Variants in KLHL32 observed in about 807,000 individuals in gnomAD.
The protein encoded by KLHL32 is kelch like family member 32.
Under a neutral mutation model 64.8 loss-of-function variants are expected in KLHL32, and 35 were observed. The ratio of observed to expected loss-of-function variants is 0.54; its 90% CI spans 0.41 to 0.72. The LOEUF (loss-of-function observed/expected upper bound fraction) is 0.72. Ranked by LOEUF, KLHL32 falls within the 30% of genes least tolerant of loss-of-function variation. The probability of loss-of-function intolerance (pLI) is 0.00; values close to 1 mark genes in which losing one functional copy is unlikely to be tolerated. For missense variants in KLHL32, 589 were observed against 768.5 expected (o/e 0.77, Z 2.76); for synonymous variants, 259 against 281.0 (o/e 0.92, Z 0.78).
At chr6:96,961,337 G>T (rs1045318260) in intron 1 of KLHL32, among the ~76,000 whole-genome samples, 1 of 152,170 alleles carries the variant, frequency 6.6e-6, no homozygotes, top group South Asian at 2.1e-4. Context: ...TCTCTTATAT[G>T]TTGGTAGGAT....
Position 97,140,537 on chromosome 6 carries a change from T to C in KLHL32, c.*1255T>C, listed in dbSNP as rs1199161010. On this transcript the variant is annotated 3_prime_UTR_variant, in exon 11 of 11. Coordinates refer to ENST00000369261, the MANE Select transcript of KLHL32 (RefSeq NM_052904.4). The stretch of plus-strand genomic sequence containing the variant: ...AAAAATAAATACAACAACTTAATAA[T>C]CACATTTGAAAACAAATTTAACAAG... 6.6e-6 allele frequency: 1 copy of C among 152,072 alleles called. No individual in the cohort carries two copies. Among genetic ancestry groups the C allele is most frequent in the Non-Finnish European group, 1.5e-5 (1 of 67,914 alleles). The allele number at this position is 152,072 out of a possible 1,614,324, so 9.4% of individuals were successfully genotyped here.
chr6:96,980,597 A>G (rs571490150), intron 3 of KLHL32, among the ~76,000 whole-genome samples: 1 of 152,132 alleles, frequency 6.6e-6, no homozygotes, highest in East Asian at 1.9e-4. Flanking sequence ...ATTTATGTTC[A>G]TCAAGGATAC....
chr6:96,995,944 A>T lies in KLHL32; in HGVS notation c.204+19767A>T, dbSNP rs536492552. On this transcript the variant is annotated intron_variant, in intron 3 of 10. Transcript: ENST00000369261. ...GACCAACTAAACACTAGTGAAGTCC[A>T]CCAAACTACTGTTGAACACTATTAA... is the stretch of plus-strand genomic sequence containing the variant. 3.3e-5 allele frequency among the ~76,000 whole-genome samples: 5 copies of T among 152,358 alleles called. No homozygotes were observed. The East Asian group carries it at 7.7e-4, about 23-fold the overall frequency.
At chr6:97,113,400 A>C (rs971515211) in intron 6 of KLHL32, among the ~76,000 whole-genome samples, 6 of 151,910 alleles carry the variant, frequency 3.9e-5, no homozygotes, top group South Asian at 2.1e-4. Context: ...CTTTGATGAC[A>C]CCTCCCACCA....
intron 6 of KLHL32, among the ~76,000 whole-genome samples, chr6:97,087,857 C>T (rs1193639047): frequency 6.6e-6 from 1 of 152,202 alleles, no homozygotes; most frequent in African/African-American, 2.4e-5. Flanking sequence ...ACCGAACCAA[C>T]TCTTTTTCAC....
chr6:96,928,751 G>T (rs1769483396), intron 1 of KLHL32, among the ~76,000 whole-genome samples: 1 of 152,186 alleles, frequency 6.6e-6, no homozygotes, highest in South Asian at 2.1e-4. Context: ...TAAATATATG[G>T]ATTTTCAAAA....
chr6:96,940,339 A>C (rs1215513171), intron 1 of KLHL32, among the ~76,000 whole-genome samples: 1 of 152,186 alleles, frequency 6.6e-6, no homozygotes, highest in African/African-American at 2.4e-5. Flanking sequence ...TTAGGTAGAG[A>C]GGGATAAGCA....
At chr6:97,132,785 G>A (rs745608501) in intron 10 of KLHL32, 38 bp downstream of exon 10, 2 of 1,394,330 alleles carry the variant, frequency 1.4e-6, no homozygotes, top group Non-Finnish European at 2.0e-6. Flanking sequence ...TTGTTCAAGT[G>A]GTTCAGCGAG....
At chr6:97,109,525 C>T (rs547801295) in intron 6 of KLHL32, among the ~76,000 whole-genome samples, 1 of 152,256 alleles carries the variant, frequency 6.6e-6, no homozygotes, top group South Asian at 2.1e-4. Flanking sequence ...ACAGTGGTCA[C>T]CGTTCCATGG....
the KLHL32 span, among the ~76,000 whole-genome samples, chr6:96,913,493 G>A: frequency 1.8e-3 from 274 of 152,294 alleles, no homozygotes; most frequent in African/African-American, 6.2e-3. Context: ...TTTTCATGGT[G>A]TAAACAGTCC....
At position 96,998,506 on chromosome 6, in the gene KLHL32, T is replaced by G. The variant is rs115649906; in HGVS notation, c.204+22329T>G. Among the ~76,000 whole-genome samples, 535 of 152,358 alleles carry G rather than the reference T, an allele frequency of 3.5e-3. 1 individual carries two copies. Among genetic ancestry groups the G allele is most frequent in the African/African-American group, 0.012 (508 of 41,580 alleles). ...GTGATTATTTTTAGTTTAGCTTTTT[T>G]ATGGTTACTGTAAGCATATAAATAT... On this transcript the variant is annotated intron_variant, in intron 3 of 10. Transcript: ENST00000369261.
At chr6:97,106,267 T>C (rs919337324) in intron 6 of KLHL32, among the ~76,000 whole-genome samples, 1 of 152,164 alleles carries the variant, frequency 6.6e-6, no homozygotes, top group African/African-American at 2.4e-5. Context: ...TTAATTGAAC[T>C]AGGACAAAAT....
intron 1 of KLHL32, among the ~76,000 whole-genome samples, chr6:96,927,883 G>A (rs1769357116): frequency 6.6e-6 from 1 of 152,178 alleles, no homozygotes; most frequent in Non-Finnish European, 1.5e-5. Context: ...CACTTTTCGA[G>A]CTCTTCTGTG....
intron 1 of KLHL32, among the ~76,000 whole-genome samples, chr6:96,947,628 T>A (rs1199334963): frequency 6.6e-6 from 1 of 152,160 alleles, no homozygotes; most frequent in African/African-American, 2.4e-5. Context: ...GGAGTACAGA[T>A]GGGAAGGTAT....
rs780121416 is a variant in KLHL32 at position 97,139,666 on chromosome 6, C to T, written c.*384C>T. 6.4e-6 allele frequency: 1 copy of T among 156,776 alleles called. No homozygotes were observed. The highest frequency in any genetic ancestry group is 2.4e-5 in the African/African-American group (1 of 41,584). The allele number at this position is 156,776 out of a possible 1,614,324, so 9.7% of individuals were successfully genotyped here. A position where few individuals can be genotyped will look rare whatever the true frequency, so the allele number is the denominator to read the frequency against. ...ATCTTAAAAATATATATATTCTGTA[C>T]TTAATCCCTTTATTATTTAAAGCCG... is the stretch of plus-strand genomic sequence containing the variant. On this transcript the variant is annotated 3_prime_UTR_variant, in exon 11 of 11. Coordinates refer to ENST00000369261, the MANE Select transcript of KLHL32 (RefSeq NM_052904.4).
intron 5 of KLHL32, among the ~76,000 whole-genome samples, chr6:97,079,864 G>GA (rs911333489): frequency 5.4e-4 from 79 of 147,368 alleles, no homozygotes; most frequent in East Asian, 1.8e-3. Flanking sequence ...AACCTTTTTA[G>GA]AAAAAAAAAA....
chr6:96,976,255 A>G (rs553743752), intron 3 of KLHL32, 78 bp downstream of exon 3: 1 of 1,335,538 alleles, frequency 7.5e-7, no homozygotes, highest in Non-Finnish European at 1.0e-6. Context: ...TCACTAAACC[A>G]GGAGCCAATT....
intron 3 of KLHL32, among the ~76,000 whole-genome samples, chr6:96,992,223 A>G (rs888192938): frequency 1.4e-4 from 22 of 152,222 alleles, no homozygotes; most frequent in African/African-American, 5.3e-4. Flanking sequence ...CAGGGGATCC[A>G]TGGCTCCCGG....
chr6:96,981,759 C>A (rs574496373), intron 3 of KLHL32, among the ~76,000 whole-genome samples: 1 of 152,024 alleles, frequency 6.6e-6, no homozygotes, highest in East Asian at 1.9e-4. Context: ...TATCTTTGTT[C>A]TCATTATTTT....
Sources: gnomAD v4.1 joint callset for allele counts (sites outside exome capture counted in the v4.1 genomes callset) on GRCh38, gnomAD v4.1.1 for gene constraint, MANE v1.5 for transcripts, NCBI Gene and HGNC (gene_info 2026-07-23, HGNC 2026-07-21) for gene names.